SARAF: variants seen among roughly 807,000 people sequenced by gnomAD.
SARAF encodes the protein store-operated calcium entry-associated regulatory factor.
A neutral mutation model predicts 39.7 loss-of-function variants in SARAF; 23 were observed. The ratio of observed to expected loss-of-function variants is 0.58; its 90% CI spans 0.42 to 0.82. The LOEUF is 0.82. Among genes scored for constraint, SARAF ranks in the 40% least tolerant of loss-of-function variants. SARAF has a pLI of 0.00. For synonymous variants in SARAF, 175 were observed against 168.5 expected, an observed-to-expected ratio of 1.04 and a Z score of -0.30; for missense variants, 384 against 418.5, an observed-to-expected ratio of 0.92 and a Z score of 0.72.
rs186299916 is a variant in SARAF at position 30,079,852 on chromosome 8, A to T, written c.103+2995T>A. On this transcript the variant is annotated intron_variant, in intron 1 of 5. Transcript: ENST00000256255. ...CCTATAGCATCTTTCTTCCCTAGAGATTCTTAAGGTCCAAGAACAAAATTC... is the reference window on the plus strand; with the variant it reads ...CCTATAGCATCTTTCTTCCCTAGAGTTTCTTAAGGTCCAAGAACAAAATTC... Among the ~76,000 whole-genome samples, 878 of 152,288 alleles carry T rather than the reference A, an allele frequency of 5.8e-3. 2 individuals are homozygous for T. The highest frequency in any genetic ancestry group is 9.3e-3 in the Non-Finnish European group (631 of 68,034).
chr8:30,075,908 C>A (rs983394486), intron 1 of SARAF, among the ~76,000 whole-genome samples: 1 of 145,344 alleles, frequency 6.9e-6, no homozygotes, highest in Non-Finnish European at 1.5e-5. Flanking sequence ...ATGACTAGAC[C>A]TAAGTGAAAG....
At chr8:30,064,551 A>ATTTTTTTTTTT (rs1387887357) in intron 5 of SARAF, among the ~76,000 whole-genome samples, 1 of 46,130 alleles carries the variant, frequency 2.2e-5, no homozygotes, top group Non-Finnish European at 3.7e-5. Flanking sequence ...ATATATATAT[A>ATTTTTTTTTTT]TATATATATA....
Position 30,069,818 on chromosome 8 carries a change from C to G in SARAF, c.524G>C (p.Gly175Ala), listed in dbSNP as rs1342905921. 6.2e-7 allele frequency: 1 copy of G among 1,613,992 alleles called. No individual in the cohort carries two copies. The highest frequency in any genetic ancestry group is 8.5e-7 in the Non-Finnish European group (1 of 1,180,000). The change falls in exon 3 of 6, where the codon GGA (glycine) becomes GCA (alanine). Residue 175 changes from glycine (G) to alanine (A), a missense_variant. By Grantham distance (60) the Gly-to-Ala change is moderately conservative. Coordinates refer to ENST00000256255, the MANE Select transcript of SARAF (RefSeq NM_016127.6). The part of the protein sequence containing the change: ...WSSADSCNMS[G>A]LITIVVLLGI... ...AAGGAGTACCACAATGGTAATCAAT[C>G]CACTCATGTTACAGGAATCCGCCGA...
chr8:30,077,158 T>C (rs1047173115), intron 1 of SARAF, among the ~76,000 whole-genome samples: 2 of 152,092 alleles, frequency 1.3e-5, no homozygotes, highest in Non-Finnish European at 2.9e-5. Context: ...ACAGCCAAGA[T>C]TAAAAACAAC....
At chr8:30,082,734 T>C in intron 1 of SARAF, 113 bp downstream of exon 1, 1 of 763,152 alleles carries the variant, frequency 1.3e-6, no homozygotes, top group South Asian at 2.0e-5. Flanking sequence ...ACATGGGGAA[T>C]CCGGGCACCC....
At chr8:30,070,908 T>C (rs1022188367) in intron 2 of SARAF, among the ~76,000 whole-genome samples, 1 of 152,196 alleles carries the variant, frequency 6.6e-6, no homozygotes, top group African/African-American at 2.4e-5. Flanking sequence ...CTTGTATTTT[T>C]TAAAGATATT....
At chr8:30,080,700 C>T (rs962148286) in intron 1 of SARAF, among the ~76,000 whole-genome samples, 1 of 152,086 alleles carries the variant, frequency 6.6e-6, no homozygotes, top group East Asian at 1.9e-4. Flanking sequence ...TAGAATGGTG[C>T]TAATTTTTTT....
At position 30,082,939 on chromosome 8, in the gene SARAF, G is replaced by T. The variant is rs1457414521; in HGVS notation, c.11C>A (p.Ala4Asp). 1 of 1,545,628 alleles carries T rather than the reference G, an allele frequency of 6.5e-7. No homozygotes were observed. The highest frequency in any genetic ancestry group is 8.7e-7 in the Non-Finnish European group (1 of 1,146,442). The change falls in exon 1 of 6, where the codon GCC becomes GAC. Residue 4 changes from alanine to aspartate, a missense_variant. Physicochemically the swap from Ala to Asp is moderately radical, Grantham distance 126. Transcript: ENST00000256255. MAA[A>D]CGPGAAGYCL... ...GTACCCGGCCGCTCCCGGCCCGCAG[G>T]CTGCGGCCATGGCGCTCGATGAAGA...
intron 5 of SARAF, among the ~76,000 whole-genome samples, chr8:30,064,561 A>ATATTTTTTATTTTTT (rs1423689069): frequency 2.2e-5 from 1 of 46,228 alleles, no homozygotes; most frequent in Non-Finnish European, 3.4e-5. Flanking sequence ...ATATATATAT[A>ATATTTTTTATTTTTT]TTTTTTTTTT....
At chr8:30,063,962 A>G (rs1347074721) in intron 5 of SARAF, 49 bp from the exon 6 acceptor site, 2 of 1,437,398 alleles carry the variant, frequency 1.4e-6, no homozygotes, top group Non-Finnish European at 9.6e-7. Flanking sequence ...AATGCATTAG[A>G]ATTGCTTATA....
chr8:30,082,705 C>T (rs530914150), intron 1 of SARAF, 142 bp downstream of exon 1: 1 of 601,500 alleles, frequency 1.7e-6, no homozygotes, highest in Non-Finnish European at 2.8e-6. Context: ...AGGGAGAGCA[C>T]GAACAGCAAA....
In SARAF at chr8:30,069,818, C is replaced by T; in HGVS notation, c.524G>A (p.Gly175Glu). 6.2e-7 allele frequency: 1 copy of T among 1,614,110 alleles called. No individual in the cohort carries two copies. Among genetic ancestry groups the T allele is most frequent in the Non-Finnish European group, 8.5e-7 (1 of 1,179,992 alleles). ...WSSADSCNMS[G>E]LITIVVLLGI... ...AAGGAGTACCACAATGGTAATCAAT[C>T]CACTCATGTTACAGGAATCCGCCGA... is the stretch of plus-strand genomic sequence containing the variant. The change falls in exon 3 of 6, where the codon GGA becomes GAA. Residue 175 changes from glycine to glutamate, a missense_variant. Physicochemically the swap from Gly to Glu is moderately conservative, Grantham distance 98. Coordinates refer to ENST00000256255, the MANE Select transcript of SARAF (RefSeq NM_016127.6).
intron 1 of SARAF, chr8:30,078,250 A>C (rs1342092796): frequency 2.2e-6 from 1 of 453,208 alleles, no homozygotes; most frequent in Non-Finnish European, 4.4e-6. Flanking sequence ...AAATCCAACA[A>C]GGGCTTCTGA....
Position 30,082,937 on chromosome 8 carries a change from A to T in SARAF, c.13T>A (p.Cys5Ser). 1.3e-6 allele frequency: 2 copies of T among 1,546,028 alleles called. No individual in the cohort carries two copies. Among genetic ancestry groups the T allele is most frequent in the Non-Finnish European group, 1.7e-6 (2 of 1,146,594 alleles). MAAA[C>S]GPGAAGYCLL... is the part of the protein sequence containing the mutation. Reference sequence around the variant, plus strand: ...CAGTACCCGGCCGCTCCCGGCCCGCAGGCTGCGGCCATGGCGCTCGATGAA... The same window carrying T: ...CAGTACCCGGCCGCTCCCGGCCCGCTGGCTGCGGCCATGGCGCTCGATGAA... The change falls in exon 1 of 6, where the codon TGC becomes AGC. Residue 5 changes from cysteine to serine, a missense_variant. Transcript: ENST00000256255.
rs532543713 is a variant in SARAF at position 30,063,684 on chromosome 8, T to C, written c.*204A>G. The C allele has an allele frequency of 1.2e-5, 7 of 591,218 alleles. No homozygotes were observed. The South Asian group carries it at 1.3e-4, about 11-fold the overall frequency. 36.6% of individuals were successfully genotyped at this position (591,218 alleles called of 1,614,324 possible). A position where few individuals can be genotyped will look rare whatever the true frequency, so the allele number is the denominator to read the frequency against. On this transcript the variant is annotated 3_prime_UTR_variant, in exon 6 of 6. Coordinates refer to ENST00000256255, the MANE Select transcript of SARAF (RefSeq NM_016127.6). ...TGCAATATACATCTGCATGTTACAC[T>C]GACATACAACACATAAGTATTTTGT... is the stretch of plus-strand genomic sequence containing the variant.
At chr8:30,064,102 C>G (rs1801617158) in intron 5 of SARAF, among the ~76,000 whole-genome samples, 189 bp from the exon 6 acceptor site, 1 of 152,124 alleles carries the variant, frequency 6.6e-6, no homozygotes, top group South Asian at 2.1e-4. Context: ...TCCCAATCAT[C>G]AAGCCTACTA....
chr8:30,069,557 G>C, intron 3 of SARAF, 85 bp downstream of exon 3: 1 of 1,364,268 alleles, frequency 7.3e-7, no homozygotes, highest in Non-Finnish European at 1.0e-6. Flanking sequence ...GTTTCCCAAT[G>C]CAACGATTTT....
intron 1 of SARAF, among the ~76,000 whole-genome samples, chr8:30,079,827 C>T (rs571440946): frequency 6.6e-6 from 1 of 152,072 alleles, no homozygotes; most frequent in African/African-American, 2.4e-5. Flanking sequence ...TTACCATAAT[C>T]CTATAGCATC....
intron 5 of SARAF, chr8:30,065,784 G>C: frequency 1.7e-6 from 1 of 593,180 alleles, no homozygotes; most frequent in Non-Finnish European, 2.9e-6. Context: ...CTTGGTCTAT[G>C]GTAGAGCTAA....
Sources: gnomAD v4.1 joint callset for allele counts (sites outside exome capture counted in the v4.1 genomes callset) on GRCh38, gnomAD v4.1.1 for gene constraint, MANE v1.5 for transcripts, NCBI Gene and HGNC (gene_info 2026-07-23, HGNC 2026-07-21) for gene names.